NMNAT2: variants seen among roughly 807,000 people sequenced by gnomAD.
NMNAT2 encodes the protein nicotinamide/nicotinic acid mononucleotide adenylyltransferase 2.
A neutral mutation model predicts 41.6 loss-of-function variants in NMNAT2; 11 were observed. That is an observed-to-expected ratio of 0.26 (90% CI 0.17 to 0.44). The LOEUF (loss-of-function observed/expected upper bound fraction) is 0.44. Among genes scored for constraint, NMNAT2 ranks in the 20% least tolerant of loss-of-function variants. The pLI is 1.00. For synonymous variants in NMNAT2, 148 were observed against 151.2 expected, an observed-to-expected ratio of 0.98 and a Z score of 0.16; for missense variants, 288 against 407.7, an observed-to-expected ratio of 0.71 and a Z score of 2.53.
chr1:183,333,354 G>A (rs1202058556), intron 1 of NMNAT2, among the ~76,000 whole-genome samples: 1 of 152,190 alleles, frequency 6.6e-6, no homozygotes, highest in Non-Finnish European at 1.5e-5. Flanking sequence ...GAATCTGAGA[G>A]TATGTTATCT....
chr1:183,361,635 A>G (rs1422754268), intron 1 of NMNAT2, among the ~76,000 whole-genome samples: 1 of 152,236 alleles, frequency 6.6e-6, no homozygotes, highest in Admixed American at 6.5e-5. Context: ...CATATTATAA[A>G]TGATGGCTGT....
intron 1 of NMNAT2, among the ~76,000 whole-genome samples, chr1:183,414,856 C>T (rs1024914754): frequency 6.6e-6 from 1 of 151,828 alleles, no homozygotes; most frequent in Non-Finnish European, 1.5e-5. Flanking sequence ...TCTCTTTTTC[C>T]TTTGATAAGA....
chr1:183,391,137 G>T (rs1175981245), intron 1 of NMNAT2, among the ~76,000 whole-genome samples: 1 of 152,066 alleles, frequency 6.6e-6, no homozygotes, highest in Non-Finnish European at 1.5e-5. Context: ...ACATCACTTA[G>T]GCTCTGTCTC....
At position 183,249,862 on chromosome 1, in the gene NMNAT2, C is replaced by G. The variant is rs545523893; in HGVS notation, c.*2779G>C. The G allele has an allele frequency of 6.6e-6, 1 of 152,188 alleles. No individual in the cohort carries two copies. Among genetic ancestry groups the G allele is most frequent in the South Asian group, 2.1e-4 (1 of 4,816 alleles). 9.4% of individuals were successfully genotyped at this position (152,188 alleles called of 1,614,324 possible). A position where few individuals can be genotyped will look rare whatever the true frequency, so the allele number is the denominator to read the frequency against. ...TAATCCACAAAGATAAGATCTGCCC[C>G]ACTTCATTCCTAGAAATCTACTTCT... On this transcript the variant is annotated 3_prime_UTR_variant, in exon 11 of 11. Transcript: ENST00000287713.
At chr1:183,266,127 A>G (rs1011893883) in intron 8 of NMNAT2, among the ~76,000 whole-genome samples, 11 of 152,214 alleles carry the variant, frequency 7.2e-5, no homozygotes, top group Non-Finnish European at 1.0e-4. Flanking sequence ...TTTGGGCCCA[A>G]TAAAACCTAT....
intron 1 of NMNAT2, among the ~76,000 whole-genome samples, chr1:183,380,939 A>T (rs1419484179): frequency 2.0e-5 from 3 of 151,974 alleles, no homozygotes; most frequent in African/African-American, 7.3e-5. Flanking sequence ...ACATAATGAG[A>T]CTTGTGTTTT....
intron 1 of NMNAT2, among the ~76,000 whole-genome samples, chr1:183,381,767 G>C (rs1571629254): frequency 6.6e-6 from 1 of 152,278 alleles, no homozygotes; most frequent in South Asian, 2.1e-4. Context: ...CAGTTACTCT[G>C]TGAGGCACTA....
At chr1:183,314,987 G>A (rs1236834532) in intron 1 of NMNAT2, among the ~76,000 whole-genome samples, 2 of 152,182 alleles carry the variant, frequency 1.3e-5, no homozygotes, top group African/African-American at 4.8e-5. Context: ...ACTTATGGGG[G>A]AAAAAGTCGT....
intron 1 of NMNAT2, among the ~76,000 whole-genome samples, chr1:183,417,398 C>T (rs1649285027): frequency 6.6e-6 from 1 of 152,120 alleles, no homozygotes; most frequent in African/African-American, 2.4e-5. Context: ...ACACTAGACG[C>T]CTCAAGCCTT....
chr1:183,316,769 C>T (rs371303957), intron 1 of NMNAT2, among the ~76,000 whole-genome samples: 2 of 152,190 alleles, frequency 1.3e-5, no homozygotes, highest in East Asian at 1.9e-4. Flanking sequence ...GGTAAGTGAA[C>T]GTAAGCAGAG....
chr1:183,407,047 G>A (rs1214287434), intron 1 of NMNAT2, among the ~76,000 whole-genome samples: 1 of 152,102 alleles, frequency 6.6e-6, no homozygotes, highest in Non-Finnish European at 1.5e-5. Flanking sequence ...TCGAACTCCT[G>A]ACCTCGTGAT....
chr1:183,409,375 G>A (rs1039849356), intron 1 of NMNAT2, among the ~76,000 whole-genome samples: 3 of 152,038 alleles, frequency 2.0e-5, no homozygotes, highest in Non-Finnish European at 4.4e-5. Flanking sequence ...AGAGCACAGT[G>A]GCATGATCAT....
chr1:183,382,940 CTG>C (rs151293949), intron 1 of NMNAT2, among the ~76,000 whole-genome samples: 2,154 of 152,318 alleles, frequency 0.014, 36 homozygotes, highest in African/African-American at 0.05. Context: ...AGTAGCGACT[CTG>C]TGTGGGGGCT....
rs1381298806 is a variant in NMNAT2 at position 183,303,352 on chromosome 1, G to A, written c.86-9559C>T. ...GCTGGTGATCTGCTCTGTGTTAGGC[G>A]CAGTGTTAGGCACTTGGGTCTGTAT... On this transcript the variant is annotated intron_variant, in intron 1 of 10. Transcript: ENST00000287713. Among the ~76,000 whole-genome samples the A allele has an allele frequency of 2.6e-5, 4 of 152,178 alleles. No individual in the cohort carries two copies. The East Asian group carries it at 7.7e-4, about 29-fold the overall frequency.
chr1:183,309,530 A>C (rs1037081511), intron 1 of NMNAT2, among the ~76,000 whole-genome samples: 4 of 152,248 alleles, frequency 2.6e-5, no homozygotes, highest in Admixed American at 1.3e-4. Context: ...CTATGATATT[A>C]GTTTTAAAAG....
At chr1:183,384,534 A>T (rs1648123962) in intron 1 of NMNAT2, among the ~76,000 whole-genome samples, 1 of 151,074 alleles carries the variant, frequency 6.6e-6, no homozygotes. Flanking sequence ...TCTTGTGAGA[A>T]CTCACTCGCA....
chr1:183,269,115 C>A (rs1660914804), intron 8 of NMNAT2, among the ~76,000 whole-genome samples: 1 of 152,040 alleles, frequency 6.6e-6, no homozygotes, highest in South Asian at 2.1e-4. Context: ...GAGTTAAGTA[C>A]AATATTGATT....
At chr1:183,266,398 C>A (rs186730198) in intron 8 of NMNAT2, among the ~76,000 whole-genome samples, 1 of 152,124 alleles carries the variant, frequency 6.6e-6, no homozygotes, top group South Asian at 2.1e-4. Context: ...GTCTGGCCAC[C>A]CTAATTAAAC....
intron 1 of NMNAT2, among the ~76,000 whole-genome samples, chr1:183,337,259 A>G (rs1486142119): frequency 6.6e-6 from 1 of 152,174 alleles, no homozygotes; most frequent in Non-Finnish European, 1.5e-5. Flanking sequence ...AGAATGACAT[A>G]GTGAAGGGAT....
Sources: allele counts gnomAD v4.1 joint callset (sites outside exome capture counted in the v4.1 genomes callset), GRCh38; gene constraint gnomAD v4.1.1; transcripts MANE v1.5; gene names NCBI Gene and HGNC (gene_info 2026-07-23, HGNC 2026-07-21).